The following ELMO1 variants were observed in gnomAD, a reference collection of about 807,000 sequenced individuals.
The protein encoded by ELMO1 is engulfment and cell motility protein 1.
ELMO1 carries 26 observed loss-of-function variants against 98.9 expected under a neutral mutation model. The observed-to-expected ratio is 0.26, with a 90% CI of 0.19 to 0.36. ELMO1 has a LOEUF of 0.36. Ranked by LOEUF, ELMO1 falls within the 10% of genes least tolerant of loss-of-function variation. The pLI is 1.00. For synonymous variants in ELMO1, 346 were observed against 346.0 expected (o/e 1.00, Z 0.00); for missense variants, 627 against 935.2 (o/e 0.67, Z 4.30).
chr7:37,019,809 A>C (rs1794163188), intron 15 of ELMO1, among the ~76,000 whole-genome samples: 2 of 152,168 alleles, frequency 1.3e-5, no homozygotes, highest in Non-Finnish European at 2.9e-5. Flanking sequence ...AACCCAACAC[A>C]ATGGTTTTTT....
chr7:37,061,224 T>G (rs979263086), intron 15 of ELMO1, among the ~76,000 whole-genome samples: 1 of 152,176 alleles, frequency 6.6e-6, no homozygotes, highest in Non-Finnish European at 1.5e-5. Context: ...TACAAGGGAT[T>G]TGAAAGGAAC....
chr7:36,958,619 T>C (rs377385021), intron 16 of ELMO1, among the ~76,000 whole-genome samples: 1 of 152,234 alleles, frequency 6.6e-6, no homozygotes, highest in Non-Finnish European at 1.5e-5. Flanking sequence ...ATCTGATCAC[T>C]TGCCATCTTC....
At chr7:37,039,302 C>T (rs946191380) in intron 15 of ELMO1, among the ~76,000 whole-genome samples, 1 of 152,092 alleles carries the variant, frequency 6.6e-6, no homozygotes, top group Non-Finnish European at 1.5e-5. Flanking sequence ...ACATTCTTTC[C>T]ATAATAATAA....
At chr7:37,406,416 A>T (rs946861255) in intron 1 of ELMO1, among the ~76,000 whole-genome samples, 1 of 150,194 alleles carries the variant, frequency 6.7e-6, no homozygotes, top group Admixed American at 6.7e-5. Flanking sequence ...GAAAAATGAA[A>T]GTGAGGAAGT....
chr7:37,032,852 A>G (rs73688456), intron 15 of ELMO1, among the ~76,000 whole-genome samples: 10 of 152,318 alleles, frequency 6.6e-5, no homozygotes, highest in African/African-American at 2.2e-4. Context: ...GGAGAGCAAC[A>G]AGATAAAGTG....
intron 6 of ELMO1, among the ~76,000 whole-genome samples, chr7:37,248,522 G>A (rs1453097540): frequency 6.6e-6 from 1 of 152,226 alleles, no homozygotes; most frequent in East Asian, 1.9e-4. Flanking sequence ...TTTGGCCTTT[G>A]TGATGCAAAT....
intron 15 of ELMO1, among the ~76,000 whole-genome samples, chr7:37,076,988 TA>T (rs1327180455): frequency 6.6e-6 from 1 of 152,222 alleles, no homozygotes; most frequent in African/African-American, 2.4e-5. Flanking sequence ...CTGTCCCAAT[TA>T]TGCCCCCGAC....
intron 1 of ELMO1, among the ~76,000 whole-genome samples, chr7:37,432,253 T>G (rs1426311106): frequency 1.3e-5 from 2 of 152,198 alleles, no homozygotes; most frequent in Non-Finnish European, 2.9e-5. Context: ...CCTATGGACA[T>G]TTCTTAAGTT....
At chr7:36,978,738 G>A (rs987235677) in intron 16 of ELMO1, among the ~76,000 whole-genome samples, 2 of 152,172 alleles carry the variant, frequency 1.3e-5, no homozygotes, top group African/African-American at 4.8e-5. Flanking sequence ...GATGTTGACT[G>A]GCTTCCAAAA....
At chr7:37,438,527 G>T (rs937552141) in intron 1 of ELMO1, among the ~76,000 whole-genome samples, 1 of 151,952 alleles carries the variant, frequency 6.6e-6, no homozygotes, top group African/African-American at 2.4e-5. Context: ...GTGAACCCGG[G>T]AGGCGGAGAT....
intron 18 of ELMO1, among the ~76,000 whole-genome samples, chr7:36,879,583 A>G (rs1804256186): frequency 6.6e-6 from 1 of 152,274 alleles, no homozygotes; most frequent in Admixed American, 6.5e-5. Flanking sequence ...AAAGCCACAC[A>G]ATGAACAAAG....
chr7:37,055,273 A>G (rs1349589559), intron 15 of ELMO1, among the ~76,000 whole-genome samples: 1 of 152,218 alleles, frequency 6.6e-6, no homozygotes, highest in African/African-American at 2.4e-5. Context: ...TGAAGAACAT[A>G]CGCTTTAAAG....
intron 1 of ELMO1, among the ~76,000 whole-genome samples, chr7:37,345,329 C>T (rs141174889): frequency 1.3e-4 from 20 of 152,098 alleles, no homozygotes; most frequent in Non-Finnish European, 2.6e-4. Flanking sequence ...GAAACTGAAG[C>T]CTGTGCCTCT....
chr7:37,011,530 A>G (rs1397677156), intron 16 of ELMO1, among the ~76,000 whole-genome samples: 12 of 152,366 alleles, frequency 7.9e-5, no homozygotes, highest in East Asian at 5.8e-4. Flanking sequence ...AACAACAATA[A>G]TATCTGAAAC....
intron 16 of ELMO1, among the ~76,000 whole-genome samples, chr7:36,918,606 G>A (rs57215423): frequency 0.26 from 39,061 of 151,992 alleles, 5,194 homozygotes; most frequent in South Asian, 0.31. Flanking sequence ...CCAGGGCCAG[G>A]GTCCACAGTA....
chr7:36,917,564 T>TAAG (rs1300343959), intron 16 of ELMO1, among the ~76,000 whole-genome samples: 1 of 152,192 alleles, frequency 6.6e-6, no homozygotes, highest in Non-Finnish European at 1.5e-5. Flanking sequence ...ATCCAGGAGA[T>TAAG]AAGAATTGAA....
intron 18 of ELMO1, among the ~76,000 whole-genome samples, chr7:36,884,086 C>T (rs1804709173): frequency 6.6e-6 from 1 of 152,054 alleles, no homozygotes; most frequent in African/African-American, 2.4e-5. Flanking sequence ...CTTTGGGAGG[C>T]AAGGCAAGTG....
intron 13 of ELMO1, among the ~76,000 whole-genome samples, chr7:37,178,630 C>A (rs1481326968): frequency 7.2e-6 from 1 of 139,690 alleles, no homozygotes; most frequent in Non-Finnish European, 1.6e-5. Context: ...AGAAAAAAAA[C>A]AGTATTAGCA....
At chr7:37,098,930 C>T (rs112565624) in intron 14 of ELMO1, among the ~76,000 whole-genome samples, 8 of 152,314 alleles carry the variant, frequency 5.3e-5, no homozygotes, top group African/African-American at 1.9e-4. Flanking sequence ...CGAGCACATT[C>T]CCTTGTATTT....
Sources: allele counts gnomAD v4.1 joint callset (sites outside exome capture counted in the v4.1 genomes callset), GRCh38; gene constraint gnomAD v4.1.1; transcripts MANE v1.5; gene names NCBI Gene and HGNC (gene_info 2026-07-23, HGNC 2026-07-21).